The following YAP1 variants were observed in gnomAD, a reference collection of about 807,000 sequenced individuals.
YAP1 encodes Yes1 associated transcriptional regulator.
Under a neutral mutation model 56.9 loss-of-function variants are expected in YAP1, and 5 were observed. That is an observed-to-expected ratio of 0.09 (90% CI 0.05 to 0.18). The LOEUF is 0.18. YAP1 is among the 10% of genes least tolerant of loss of function. The pLI, the probability that YAP1 is intolerant of heterozygous loss-of-function variation, is 1.00. For missense variants in YAP1, 539 were observed against 651.8 expected (o/e 0.83, Z 1.88); for synonymous variants, 265 against 248.1 (o/e 1.07, Z -0.64).
intron 3 of YAP1, among the ~76,000 whole-genome samples, chr11:102,169,625 A>C (rs1185750478): frequency 6.6e-6 from 1 of 152,230 alleles, no homozygotes; most frequent in Non-Finnish European, 1.5e-5. Context: ...AAAAACTTTT[A>C]AAATAAAAAC....
chr11:102,127,462 T>A (rs1029236347), intron 2 of YAP1, among the ~76,000 whole-genome samples: 1 of 151,936 alleles, frequency 6.6e-6, no homozygotes, highest in African/African-American at 2.4e-5. Flanking sequence ...AGCTTCCACT[T>A]GGTGTTGAGA....
In YAP1 at chr11:102,209,577, C is replaced by A; in HGVS notation, c.1032+13C>A. On this transcript the variant is annotated intron_variant, in intron 6 of 8. Transcript: ENST00000282441. ...TCCAAAATGTCAGGTAGGCTCTTAT[C>A]TGATGTTTTAGCACTGGAAAAAAAA... 6.4e-7 allele frequency: 1 copy of A among 1,562,552 alleles called. No homozygotes were observed. The highest frequency in any genetic ancestry group is 8.6e-7 in the Non-Finnish European group (1 of 1,161,518).
intron 2 of YAP1, among the ~76,000 whole-genome samples, chr11:102,154,629 T>C: frequency 6.6e-6 from 1 of 152,186 alleles, no homozygotes; most frequent in South Asian, 2.1e-4. Context: ...ACCACTCTTT[T>C]GCCACATACG....
intron 2 of YAP1, among the ~76,000 whole-genome samples, chr11:102,161,453 AT>A (rs1157304783): frequency 6.6e-6 from 1 of 151,576 alleles, no homozygotes; most frequent in East Asian, 1.9e-4. Context: ...TATTATTAAT[AT>A]TTTTTCATAT....
At position 102,179,013 on chromosome 11, in the gene YAP1, G is replaced by T. The variant is rs1301802518; in HGVS notation, c.689-7005G>T. On this transcript the variant is annotated intron_variant, in intron 3 of 8. Coordinates refer to ENST00000282441, the MANE Select transcript of YAP1 (RefSeq NM_001130145.3). ...AATGAGAACTCACTTATGACCAAGG[G>T]GATGGTGCGAAGCCATTCATGAGGT... 2.0e-5 allele frequency among the ~76,000 whole-genome samples: 3 copies of T among 152,136 alleles called. No individual in the cohort carries two copies. The East Asian group carries it at 5.8e-4, about 29-fold the overall frequency.
intron 3 of YAP1, among the ~76,000 whole-genome samples, chr11:102,168,602 C>G (rs1198342993): frequency 6.6e-6 from 1 of 152,064 alleles, no homozygotes; most frequent in Admixed American, 6.6e-5. Flanking sequence ...TAGGAAATAC[C>G]TCAAGATGGG....
intron 3 of YAP1, among the ~76,000 whole-genome samples, chr11:102,169,065 T>C (rs1466484580): frequency 1.3e-5 from 2 of 152,326 alleles, no homozygotes; most frequent in South Asian, 2.1e-4. Flanking sequence ...GGAAATCCCA[T>C]GGACCTGATT....
At chr11:102,189,830 T>G (rs933869221) in intron 4 of YAP1, among the ~76,000 whole-genome samples, 1 of 152,264 alleles carries the variant, frequency 6.6e-6, no homozygotes. Flanking sequence ...AGCCGAAGGT[T>G]GTTGAGACTT....
At chr11:102,218,384 A>T (rs1328091222) in intron 6 of YAP1, among the ~76,000 whole-genome samples, 2 of 152,234 alleles carry the variant, frequency 1.3e-5, no homozygotes, top group African/African-American at 4.8e-5. Flanking sequence ...CTATGTAAAG[A>T]GCTGTTACAC....
At chr11:102,219,416 A>G (rs1434534337) in intron 6 of YAP1, among the ~76,000 whole-genome samples, 1 of 152,180 alleles carries the variant, frequency 6.6e-6, no homozygotes, top group Non-Finnish European at 1.5e-5. Context: ...CAAGATCGAG[A>G]TGGGATCACC....
At chr11:102,128,294 C>CG (rs895991310) in intron 2 of YAP1, among the ~76,000 whole-genome samples, 12 of 152,042 alleles carry the variant, frequency 7.9e-5, no homozygotes, top group Admixed American at 1.3e-4. Flanking sequence ...AGGGACTCGG[C>CG]GGGGGGTAAT....
At chr11:102,218,730 A>C (rs368221280) in intron 6 of YAP1, among the ~76,000 whole-genome samples, 11 of 152,286 alleles carry the variant, frequency 7.2e-5, no homozygotes, top group African/African-American at 2.4e-4. Context: ...AAGGGGTCGG[A>C]TATCTCCTTA....
chr11:102,191,762 A>C lies in YAP1; in HGVS notation c.802+5631A>C, dbSNP rs1355709179. ...GCATGGCTCAATCTCAGTTCACTGC[A>C]GCCTTAATTCCTGGGCTCATACAAG... is the stretch of plus-strand genomic sequence containing the variant. On this transcript the variant is annotated intron_variant, in intron 4 of 8. Transcript: ENST00000282441. 3.9e-5 allele frequency among the ~76,000 whole-genome samples: 6 copies of C among 152,098 alleles called. No individual in the cohort carries two copies. The South Asian group carries it at 1.0e-3, about 26-fold the overall frequency.
At chr11:102,111,554 ATGCGCGCGCC>A (rs1565412858) in intron 1 of YAP1, among the ~76,000 whole-genome samples, 1 of 147,970 alleles carries the variant, frequency 6.8e-6, no homozygotes, top group Non-Finnish European at 1.5e-5. Context: ...GGCTTGCACA[ATGCGCGCGCC>A]TCCGCGCGCT....
intron 4 of YAP1, among the ~76,000 whole-genome samples, chr11:102,201,108 A>G (rs1391549553): frequency 6.6e-6 from 1 of 152,350 alleles, no homozygotes; most frequent in Middle Eastern, 3.4e-3. Flanking sequence ...CAGAAATACA[A>G]AATTATGTAT....
chr11:102,193,627 ATTAG>A (rs1411050483), intron 4 of YAP1, among the ~76,000 whole-genome samples: 1 of 152,148 alleles, frequency 6.6e-6, no homozygotes, highest in Non-Finnish European at 1.5e-5. Flanking sequence ...CATTGATGCA[ATTAG>A]TTAATTATAC....
intron 6 of YAP1, 30 bp downstream of exon 6, chr11:102,209,594 GAAAAAA>G: frequency 1.5e-6 from 2 of 1,316,458 alleles, no homozygotes; most frequent in South Asian, 1.5e-5. Context: ...TTTAGCACTG[GAAAAAA>G]AAAAAAAAAG....
intron 4 of YAP1, among the ~76,000 whole-genome samples, chr11:102,192,703 T>C (rs1332800669): frequency 2.0e-5 from 3 of 152,242 alleles, no homozygotes; most frequent in South Asian, 4.1e-4. Flanking sequence ...AGTAACTGCT[T>C]TGGACTCTTG....
In YAP1 at chr11:102,212,607, G is replaced by A. The variant is rs559817212; in HGVS notation, c.1032+3043G>A. Among the ~76,000 whole-genome samples, 7 of 149,552 alleles carry A rather than the reference G, an allele frequency of 4.7e-5. No individual in the cohort carries two copies. In the East Asian group the frequency reaches 7.8e-4, roughly 17 times the overall value. On this transcript the variant is annotated intron_variant, in intron 6 of 8. Coordinates refer to ENST00000282441, the MANE Select transcript of YAP1 (RefSeq NM_001130145.3). ...TTTATTTTTATTTTTATTTTGAGAC[G>A]GAGTTTTGCCCTTGTCGCCCAGGTT...
Sources: gnomAD v4.1 joint callset for allele counts (sites outside exome capture counted in the v4.1 genomes callset) on GRCh38, gnomAD v4.1.1 for gene constraint, MANE v1.5 for transcripts, NCBI Gene and HGNC (gene_info 2026-07-23, HGNC 2026-07-21) for gene names.